The following BMPR1B variants were observed in gnomAD, a reference collection of about 807,000 sequenced individuals.
The protein encoded by BMPR1B is bone morphogenetic protein receptor type 1B.
A neutral mutation model predicts 59.1 loss-of-function variants in BMPR1B; 12 were observed. The ratio of observed to expected loss-of-function variants is 0.20; its 90% confidence interval spans 0.13 to 0.33. The LOEUF (loss-of-function observed/expected upper bound fraction) is 0.33, where lower values mean the gene tolerates loss of function less well. BMPR1B is among the 10% of genes least tolerant of loss of function. The pLI is 1.00. For synonymous variants in BMPR1B, 237 were observed against 207.3 expected (o/e 1.14, Z -1.23); for missense variants, 550 against 610.9 (o/e 0.90, Z 1.05).
At chr4:95,109,249 G>A (rs1731433519) in intron 4 of BMPR1B, among the ~76,000 whole-genome samples, 1 of 152,098 alleles carries the variant, frequency 6.6e-6, no homozygotes, top group Non-Finnish European at 1.5e-5. Context: ...GCAGTTTTCA[G>A]GGTTTACAGA....
chr4:95,130,723 C>CTTTTTTTTTTTTTTTTTTTT (rs148720302), intron 9 of BMPR1B, among the ~76,000 whole-genome samples: 1 of 77,930 alleles, frequency 1.3e-5, no homozygotes, highest in Non-Finnish European at 2.2e-5. Flanking sequence ...CTTTTCTTTT[C>CTTTTTTTTTTTTTTTTTTTT]TTTTTTTTTT....
chr4:94,847,398 C>A (rs1234743355), intron 1 of BMPR1B, among the ~76,000 whole-genome samples: 1 of 152,132 alleles, frequency 6.6e-6, no homozygotes, highest in African/African-American at 2.4e-5. Flanking sequence ...AAAGTAAAAA[C>A]AGGACTACCA....
intron 1 of BMPR1B, among the ~76,000 whole-genome samples, chr4:94,789,118 A>G (rs1722869477): frequency 6.6e-6 from 1 of 152,194 alleles, no homozygotes; most frequent in Admixed American, 6.5e-5. Context: ...AAGTAAGAGG[A>G]GGTTAACACA....
chr4:95,157,245 G>T lies in BMPR1B; in HGVS notation c.*2572G>T, dbSNP rs886059743. 6.6e-6 allele frequency: 1 copy of T among 152,004 alleles called. No individual in the cohort carries two copies. The highest frequency in any genetic ancestry group is 1.5e-5 in the Non-Finnish European group (1 of 67,974). The allele number at this position is 152,004 out of a possible 1,614,324, so 9.4% of individuals were successfully genotyped here. On this transcript the variant is annotated 3_prime_UTR_variant, in exon 13 of 13. Transcript: ENST00000515059. ...AAAACATTCCTGAGATACTTAAAAAGACCCACTTAGCGATTATAGTTGCTC... is the reference window on the plus strand; with the variant it reads ...AAAACATTCCTGAGATACTTAAAAATACCCACTTAGCGATTATAGTTGCTC...
intron 3 of BMPR1B, among the ~76,000 whole-genome samples, chr4:95,072,554 G>A (rs1159368949): frequency 6.6e-6 from 1 of 152,082 alleles, no homozygotes; most frequent in Non-Finnish European, 1.5e-5. Flanking sequence ...TTAATAAAAT[G>A]AGGAAAACTA....
intron 3 of BMPR1B, among the ~76,000 whole-genome samples, chr4:95,089,796 T>C (rs982827636): frequency 1.3e-5 from 2 of 152,104 alleles, no homozygotes; most frequent in African/African-American, 4.8e-5. Flanking sequence ...GCAAAGTAGA[T>C]GGTGGTTCAG....
chr4:94,844,985 T>A (rs115696237), intron 1 of BMPR1B, among the ~76,000 whole-genome samples: 303 of 152,190 alleles, frequency 2.0e-3, no homozygotes, highest in African/African-American at 7.1e-3. Context: ...AGAGGAAAAA[T>A]TAAATTAGTA....
chr4:94,914,564 C>T (rs1004036500), intron 2 of BMPR1B, among the ~76,000 whole-genome samples: 3 of 151,994 alleles, frequency 2.0e-5, no homozygotes, highest in Admixed American at 6.6e-5. Context: ...ATAAGAATTA[C>T]GGATTCTGAG....
At chr4:94,893,002 G>A (rs967528476) in intron 2 of BMPR1B, among the ~76,000 whole-genome samples, 3 of 151,888 alleles carry the variant, frequency 2.0e-5, no homozygotes, top group African/African-American at 7.3e-5. Context: ...GATTGCAGGA[G>A]CAAAAAATCT....
chr4:94,885,811 A>G (rs1174415804), intron 2 of BMPR1B, among the ~76,000 whole-genome samples: 1 of 152,214 alleles, frequency 6.6e-6, no homozygotes, highest in Admixed American at 6.5e-5. Context: ...AGAAGAAGAA[A>G]TAAGAAAACA....
At chr4:94,814,304 T>A (rs968059819) in intron 1 of BMPR1B, among the ~76,000 whole-genome samples, 4 of 152,242 alleles carry the variant, frequency 2.6e-5, no homozygotes, top group African/African-American at 9.6e-5. Context: ...TAAGAGATGT[T>A]TAACTTGAGG....
intron 10 of BMPR1B, among the ~76,000 whole-genome samples, chr4:95,141,276 A>G (rs764700391): frequency 1.3e-4 from 19 of 151,960 alleles, no homozygotes; most frequent in Non-Finnish European, 2.1e-4. Context: ...CCACTGTTTT[A>G]TATTGTATTT....
intron 3 of BMPR1B, among the ~76,000 whole-genome samples, chr4:95,031,801 C>G (rs918029957): frequency 7.9e-5 from 12 of 152,036 alleles, no homozygotes; most frequent in African/African-American, 2.7e-4. Flanking sequence ...GTGGCTCACT[C>G]CTGTAATCTC....
chr4:94,908,640 T>C (rs977737925), intron 2 of BMPR1B, among the ~76,000 whole-genome samples: 2 of 151,922 alleles, frequency 1.3e-5, no homozygotes, highest in African/African-American at 4.8e-5. Flanking sequence ...CCTTTTATTA[T>C]AGAGAGTAAT....
chr4:94,819,552 A>G (rs1724130135), intron 1 of BMPR1B, among the ~76,000 whole-genome samples: 1 of 152,204 alleles, frequency 6.6e-6, no homozygotes, highest in South Asian at 2.1e-4. Context: ...TTCTTTCATC[A>G]GCCCTCTAGT....
chr4:95,007,004 A>G (rs997042807), intron 3 of BMPR1B, among the ~76,000 whole-genome samples: 9 of 152,190 alleles, frequency 5.9e-5, no homozygotes, highest in African/African-American at 2.2e-4. Context: ...CAGCAACTCT[A>G]TTCCTACAAG....
At chr4:95,111,590 A>G (rs1731636316) in intron 4 of BMPR1B, among the ~76,000 whole-genome samples, 1 of 152,106 alleles carries the variant, frequency 6.6e-6, no homozygotes, top group Non-Finnish European at 1.5e-5. Context: ...TTTGACCATA[A>G]TAAATGCATC....
rs186611361 is a variant in BMPR1B, at chr4:94,816,836, G to A, written c.-183+58768G>A. Among the ~76,000 whole-genome samples, 126 of 152,246 alleles carry A rather than the reference G, an allele frequency of 8.3e-4. 1 individual carries two copies. The East Asian group carries it at 0.018, about 22-fold the overall frequency. On this transcript the variant is annotated intron_variant, in intron 1 of 12. Transcript: ENST00000515059. Reference sequence around the variant, plus strand: ...CCTTATTTGGAAAAGAAAGGCACAAGTAATTTTCTTTCCTTATATGTCTGT... The same window carrying A: ...CCTTATTTGGAAAAGAAAGGCACAAATAATTTTCTTTCCTTATATGTCTGT...
chr4:94,989,386 TAAAAAA>T (rs532770101), intron 2 of BMPR1B, among the ~76,000 whole-genome samples: 1 of 137,946 alleles, frequency 7.2e-6, no homozygotes, highest in Non-Finnish European at 1.6e-5. Flanking sequence ...AGACTCCGTC[TAAAAAA>T]AAAAAAAAAA....
Sources: allele counts gnomAD v4.1 joint callset (sites outside exome capture counted in the v4.1 genomes callset), GRCh38; gene constraint gnomAD v4.1.1; transcripts MANE v1.5; gene names NCBI Gene and HGNC (gene_info 2026-07-23, HGNC 2026-07-21).